PTPN22: variants seen among roughly 807,000 people sequenced by gnomAD.
PTPN22 encodes the protein protein tyrosine phosphatase non-receptor type 22, also known as tyrosine-protein phosphatase non-receptor type 22.
A neutral mutation model predicts 103.3 loss-of-function variants in PTPN22; 85 were observed. The observed-to-expected ratio is 0.82, with a 90% CI of 0.69 to 0.99. PTPN22 has a LOEUF of 0.99. Among genes scored for constraint, PTPN22 ranks in the 50% least tolerant of loss-of-function variants. The pLI is 0.00. For synonymous variants in PTPN22, 323 were observed against 310.2 expected (o/e 1.04, Z -0.43); for missense variants, 865 against 936.9 (o/e 0.92, Z 1.00).
At chr1:113,870,043 G>C (rs1344504444) in intron 1 of PTPN22, among the ~76,000 whole-genome samples, 2 of 152,164 alleles carry the variant, frequency 1.3e-5, no homozygotes, top group East Asian at 1.9e-4. Context: ...TCCGGTACCA[G>C]AGTGTTAGCT....
exon 13 of PTPN22, chr1:113,838,111 G>A: frequency 6.2e-7 from 1 of 1,613,982 alleles, no homozygotes; most frequent in South Asian, 1.1e-5. Context: ...TGCATTTACA[G>A]GTTTAGAATT....
intron 17 of PTPN22, 119 bp from the exon 18 acceptor site, chr1:113,829,826 G>A: frequency 8.4e-7 from 1 of 1,195,686 alleles, no homozygotes; most frequent in Non-Finnish European, 1.2e-6. Flanking sequence ...TATATTAGGG[G>A]CTTTTAAAAT....
At chr1:113,837,080 A>G (rs1260495143) in intron 13 of PTPN22, among the ~76,000 whole-genome samples, 1 of 152,028 alleles carries the variant, frequency 6.6e-6, no homozygotes, top group African/African-American at 2.4e-5. Context: ...ATTATGTTTG[A>G]TGTTGCTATT....
Position 113,837,581 on chromosome 1 carries a change from A to G in PTPN22, c.1810+9T>C. The stretch of plus-strand genomic sequence containing the variant: ...TAAAATTCTATGCAAACTTTAAAAA[A>G]TAACTTACCTAGTACAGCTGACTCC... On this transcript the variant is annotated intron_variant, in intron 13 of 20. Coordinates refer to ENST00000359785, the Ensembl canonical transcript of PTPN22. 6.6e-7 allele frequency: 1 copy of G among 1,508,134 alleles called. No individual in the cohort carries two copies. Among genetic ancestry groups the G allele is most frequent in the Non-Finnish European group, 9.0e-7 (1 of 1,107,134 alleles). 93.4% of individuals were successfully genotyped at this position (1,508,134 alleles called of 1,614,324 possible). A position where few individuals can be genotyped will look rare whatever the true frequency, so the allele number is the denominator to read the frequency against.
intron 1 of PTPN22, among the ~76,000 whole-genome samples, chr1:113,864,712 A>G (rs1372600495): frequency 6.6e-6 from 1 of 151,426 alleles, no homozygotes; most frequent in Non-Finnish European, 1.5e-5. Flanking sequence ...AGATCGAGAG[A>G]CCATCCTGGC....
upstream of PTPN22, chr1:113,871,714 C>A: frequency 9.0e-7 from 1 of 1,113,446 alleles, no homozygotes; most frequent in East Asian, 2.4e-5. Flanking sequence ...AAAGCCACTG[C>A]TGCCGCCTGA....
rs903002602 is a variant in PTPN22 at position 113,857,643 on chromosome 1, T to A, written c.408+95A>T. ...AACTATGAAGATGACATAAGTTTTATCTAGGTACACTCAGGTAAGTTCTGC... is the reference window on the plus strand; with the variant it reads ...AACTATGAAGATGACATAAGTTTTAACTAGGTACACTCAGGTAAGTTCTGC... On this transcript the variant is annotated intron_variant, in intron 5 of 20. Coordinates refer to ENST00000359785, the Ensembl canonical transcript of PTPN22. 122 of 1,145,172 alleles carry A rather than the reference T, an allele frequency of 1.1e-4. 1 individual carries two copies. Among genetic ancestry groups the A allele is most frequent in the Non-Finnish European group, 1.5e-4 (118 of 780,014 alleles). 70.9% of individuals were successfully genotyped at this position (1,145,172 alleles called of 1,614,324 possible).
At chr1:113,862,755 G>T (rs1255849252) in intron 1 of PTPN22, among the ~76,000 whole-genome samples, 3 of 152,182 alleles carry the variant, frequency 2.0e-5, no homozygotes, top group Non-Finnish European at 4.4e-5. Flanking sequence ...CTGCAAGGTA[G>T]TTCCTCAGTG....
exon 21 of PTPN22, chr1:113,813,967 G>C (rs931345896): frequency 6.6e-6 from 1 of 152,198 alleles, no homozygotes; most frequent in Non-Finnish European, 1.5e-5. Flanking sequence ...GTTTCTAAAA[G>C]TTATAAATAA....
chr1:113,858,412 A>G (rs945398988), intron 4 of PTPN22, 66 bp downstream of exon 4: 6 of 1,225,166 alleles, frequency 4.9e-6, no homozygotes, highest in Non-Finnish European at 5.7e-6. Context: ...TCCACTGACC[A>G]ATTTTTTAAA....
chr1:113,870,226 T>C (rs1020845707), intron 1 of PTPN22, among the ~76,000 whole-genome samples: 2 of 152,198 alleles, frequency 1.3e-5, no homozygotes, highest in Non-Finnish European at 2.9e-5. Context: ...GTAGGACATG[T>C]ATTATTATCC....
At chr1:113,826,397 GGGGAAGGGAAGGGAA>G (rs377642114) in intron 18 of PTPN22, among the ~76,000 whole-genome samples, 20,202 of 123,032 alleles carry the variant, frequency 0.16, 1,915 homozygotes, top group East Asian at 0.23. Flanking sequence ...GAAGGGAGAA[GGGGAAGGGAAGGGAA>G]GGGAAGGGAA....
chr1:113,838,543 C>T lies in PTPN22; in HGVS notation c.992+1G>A, dbSNP rs78604568. Reference sequence around the variant, plus strand: ...ATTTAGATATATAAAATTGTACTCACCTTTTTGGTAAATTAGGAGAATAAG... The same window carrying T: ...ATTTAGATATATAAAATTGTACTCATCTTTTTGGTAAATTAGGAGAATAAG... On this transcript the variant is annotated splice_donor_variant, in intron 12 of 20. Transcript: ENST00000359785. LOFTEE classifies it high-confidence loss of function. The T allele has an allele frequency of 6.2e-7, 1 of 1,612,262 alleles. No individual in the cohort carries two copies. The highest frequency in any genetic ancestry group is 8.5e-7 in the Non-Finnish European group (1 of 1,179,576).
chr1:113,864,977 C>T (rs1299056640), intron 1 of PTPN22, among the ~76,000 whole-genome samples: 1 of 151,702 alleles, frequency 6.6e-6, no homozygotes, highest in Non-Finnish European at 1.5e-5. Flanking sequence ...ATGTTCAAGG[C>T]GGAGGTAACA....
intron 11 of PTPN22, among the ~76,000 whole-genome samples, chr1:113,840,018 C>T (rs1211846369): frequency 6.6e-6 from 1 of 151,984 alleles, no homozygotes; most frequent in African/African-American, 2.4e-5. Context: ...TTGAAACCAG[C>T]CTGGCCAACA....
At position 113,837,852 on chromosome 1, in the gene PTPN22, C is replaced by T. The variant is rs1045662456; in HGVS notation, c.1548G>A (p.Lys516=). ...CACCAAGAGCACTAGAGTCATGGTGCTTTACATTAGAGGCATTACGTATTT... is the reference window on the plus strand; with the variant it reads ...CACCAAGAGCACTAGAGTCATGGTGTTTTACATTAGAGGCATTACGTATTT... The change falls in exon 13 of 21, where the codon AAG becomes AAA. Residue 516 remains lysine, a synonymous_variant. Coordinates refer to ENST00000359785, the Ensembl canonical transcript of PTPN22. The T allele has an allele frequency of 4.3e-6, 7 of 1,613,908 alleles. No individual in the cohort carries two copies. The African/African-American group carries it at 8.0e-5, about 18-fold the overall frequency.
intron 16 of PTPN22, among the ~76,000 whole-genome samples, chr1:113,832,508 G>T (rs753262292): frequency 2.6e-5 from 4 of 152,128 alleles, no homozygotes; most frequent in Non-Finnish European, 5.9e-5. Flanking sequence ...ACAGCATCTT[G>T]CTCTGTCATA....
chr1:113,814,469 C>G (rs1481911720), exon 21 of PTPN22: 3 of 157,656 alleles, frequency 1.9e-5, no homozygotes, highest in African/African-American at 7.2e-5. Context: ...TTGTCAAGAG[C>G]AGTTTGTATT....
intron 14 of PTPN22, 133 bp from the exon 15 acceptor site, chr1:113,834,572 T>G: frequency 9.7e-7 from 1 of 1,035,788 alleles, no homozygotes; most frequent in Non-Finnish European, 1.4e-6. Context: ...TTCATTTTAT[T>G]TTTTGAGACA....
Sources: gnomAD v4.1 joint callset for allele counts (sites outside exome capture counted in the v4.1 genomes callset) on GRCh38, gnomAD v4.1.1 for gene constraint, MANE v1.5 for transcripts, NCBI Gene and HGNC (gene_info 2026-07-23, HGNC 2026-07-21) for gene names.